Variants in GABRR3 observed in about 807,000 individuals in gnomAD.
The protein encoded by GABRR3 is gamma-aminobutyric acid type A receptor subunit rho3, also known as gamma-aminobutyric acid receptor subunit rho-3.
Under a neutral mutation model 43.2 loss-of-function variants are expected in GABRR3, and 29 were observed. The ratio of observed to expected loss-of-function variants is 0.67; its 90% CI spans 0.50 to 0.92. The LOEUF is 0.92. Ranked by LOEUF, GABRR3 falls within the 40% of genes least tolerant of loss-of-function variation. The probability of loss-of-function intolerance (pLI) is 0.00; values close to 1 mark genes in which losing one functional copy is unlikely to be tolerated. For synonymous variants in GABRR3, 206 were observed against 195.9 expected (o/e 1.05, Z -0.43); for missense variants, 576 against 572.3 (o/e 1.01, Z -0.07).
At chr3:97,991,688 G>T (rs184221428) in intron 9 of GABRR3, among the ~76,000 whole-genome samples, 1 of 152,174 alleles carries the variant, frequency 6.6e-6, no homozygotes, top group Non-Finnish European at 1.5e-5. Flanking sequence ...CTGCTTCTTC[G>T]TTTATAAAAT....
At chr3:98,021,226 T>C (rs1008468058) in intron 3 of GABRR3, among the ~76,000 whole-genome samples, 5 of 152,104 alleles carry the variant, frequency 3.3e-5, no homozygotes, top group African/African-American at 7.2e-5. Flanking sequence ...TTTGAGGAAC[T>C]GTATTACGCT....
chr3:98,009,402 T>C (rs1401961018), intron 5 of GABRR3, among the ~76,000 whole-genome samples: 2 of 152,176 alleles, frequency 1.3e-5, no homozygotes, highest in East Asian at 1.9e-4. Context: ...GATCCACACA[T>C]AAATAGTCTG....
chr3:98,006,404 T>C (rs1272701257), intron 7 of GABRR3, among the ~76,000 whole-genome samples: 1 of 152,208 alleles, frequency 6.6e-6, no homozygotes, highest in Non-Finnish European at 1.5e-5. Flanking sequence ...AGACAAATAA[T>C]GGAGTGAAAT....
chr3:98,025,664 T>A lies in GABRR3; in HGVS notation c.141A>T (p.Arg47Ser), dbSNP rs776732316. The change falls in exon 3 of 10, where the codon AGA becomes AGT. Residue 47 changes from arginine (R) to serine (S), a missense_variant. By Grantham distance (110) the Arg-to-Ser change is moderately radical. Coordinates refer to ENST00000621172, the Ensembl canonical transcript of GABRR3. ...CTTTGGTACTGTCATCTTTCTTCAT[T>A]CTAGTTTCTTGTTTGCTGTTCCCCC... The A allele has an allele frequency of 7.3e-5, 117 of 1,610,968 alleles. 1 individual carries two copies. The Middle Eastern group carries it at 9.9e-4, about 14-fold the overall frequency.
intron 4 of GABRR3, 128 bp downstream of exon 4, chr3:98,017,527 T>C: frequency 1.4e-6 from 1 of 704,774 alleles, no homozygotes; most frequent in Admixed American, 2.3e-5. Context: ...CATGACCCTA[T>C]GATTAATCAA....
At chr3:98,023,865 C>G (rs745527732) in intron 3 of GABRR3, among the ~76,000 whole-genome samples, 1 of 152,158 alleles carries the variant, frequency 6.6e-6, no homozygotes, top group African/African-American at 2.4e-5. Context: ...CTCAGCCTCC[C>G]GAGGAGCTCT....
chr3:98,009,033 G>A lies in GABRR3; in HGVS notation c.536C>T (p.Thr179Met), dbSNP rs187632877. 187 of 1,600,072 alleles carry A rather than the reference G, an allele frequency of 1.2e-4. No individual in the cohort carries two copies. Among genetic ancestry groups the A allele is most frequent in the Admixed American group, 2.6e-4 (15 of 58,650 alleles). The stretch of plus-strand genomic sequence containing the variant: ...ATCCATAAAGCACATGGCCGAAACC[G>A]TTATCCTATAAAAAGAATGAGAAAA... The change falls in exon 6 of 10, where the codon ACG becomes ATG. Residue 179 changes from threonine (T) to methionine (M), a missense_variant. By Grantham distance (81) the Thr-to-Met change is moderately conservative. Coordinates refer to ENST00000621172, the Ensembl canonical transcript of GABRR3.
chr3:98,014,972 T>C (rs1706856066), intron 4 of GABRR3, among the ~76,000 whole-genome samples: 1 of 152,204 alleles, frequency 6.6e-6, no homozygotes, highest in Non-Finnish European at 1.5e-5. Context: ...ACAGTTTATG[T>C]ATCAACAATA....
chr3:97,988,118 T>C (rs1706410465), intron 9 of GABRR3, among the ~76,000 whole-genome samples: 1 of 151,890 alleles, frequency 6.6e-6, no homozygotes, highest in Admixed American at 6.6e-5. Context: ...CCTGCCATGC[T>C]GGGACAATGG....
intron 2 of GABRR3, among the ~76,000 whole-genome samples, chr3:98,032,920 G>A (rs1707108194): frequency 6.6e-6 from 1 of 152,054 alleles, no homozygotes; most frequent in African/African-American, 2.4e-5. Flanking sequence ...TAATCAGGTC[G>A]GGTGCTGGGC....
intron 6 of GABRR3, 41 bp from the exon 7 acceptor site, chr3:98,007,945 C>A: frequency 2.0e-6 from 3 of 1,494,364 alleles, no homozygotes; most frequent in Non-Finnish European, 2.7e-6. Flanking sequence ...GTAATAAGCT[C>A]TTGTAAGCTC....
At chr3:97,990,731 G>T (rs1576034562) in intron 9 of GABRR3, among the ~76,000 whole-genome samples, 1 of 151,148 alleles carries the variant, frequency 6.6e-6, no homozygotes, top group Admixed American at 6.6e-5. Context: ...TGAGATAGTT[G>T]CATTTATTTG....
intron 7 of GABRR3, 81 bp downstream of exon 7, chr3:98,007,683 G>A (rs371914621): frequency 8.4e-5 from 124 of 1,484,958 alleles, no homozygotes; most frequent in Admixed American, 1.1e-4. Flanking sequence ...CTTGGATTCC[G>A]GTCTTTTCGC....
At chr3:97,995,422 C>T (rs568492025) in intron 8 of GABRR3, among the ~76,000 whole-genome samples, 2 of 151,938 alleles carry the variant, frequency 1.3e-5, no homozygotes, top group Non-Finnish European at 2.9e-5. Context: ...TGATTGGTCT[C>T]GTCATGTATT....
intron 2 of GABRR3, among the ~76,000 whole-genome samples, chr3:98,032,935 A>G (rs1485251022): frequency 6.6e-6 from 1 of 152,178 alleles, no homozygotes; most frequent in Admixed American, 6.6e-5. Context: ...CTGGGCAAAG[A>G]ACCTCACAGT....
At chr3:98,004,677 A>G (rs1559776375) in intron 7 of GABRR3, among the ~76,000 whole-genome samples, 1 of 150,546 alleles carries the variant, frequency 6.6e-6, no homozygotes, top group African/African-American at 2.5e-5. Flanking sequence ...GTGAAGGCCA[A>G]GAAAAAAAAA....
exon 8 of GABRR3, chr3:98,001,684 A>G (rs745541183): frequency 1.9e-6 from 3 of 1,613,302 alleles, no homozygotes; most frequent in African/African-American, 1.3e-5. Flanking sequence ...ATCACCATCA[A>G]TATGGCTGGG....
At chr3:98,007,638 A>T in intron 7 of GABRR3, 126 bp downstream of exon 7, 5 of 971,814 alleles carry the variant, frequency 5.1e-6, no homozygotes, top group Non-Finnish European at 7.8e-6. Context: ...CTGTAAAAGG[A>T]GAGGAATGAT....
At chr3:98,027,649 A>G (rs1313562171) in intron 2 of GABRR3, among the ~76,000 whole-genome samples, 1 of 152,246 alleles carries the variant, frequency 6.6e-6, no homozygotes, top group Non-Finnish European at 1.5e-5. Flanking sequence ...GAGATGTTCC[A>G]TATTTATCTA....
Sources: allele counts gnomAD v4.1 joint callset (sites outside exome capture counted in the v4.1 genomes callset), GRCh38; gene constraint gnomAD v4.1.1; transcripts MANE v1.5; gene names NCBI Gene and HGNC (gene_info 2026-07-23, HGNC 2026-07-21).